The following EEFSEC variants were observed in gnomAD, a reference collection of about 807,000 sequenced individuals.
The protein encoded by EEFSEC is selenocysteine-specific elongation factor.
Under a neutral mutation model 42.1 loss-of-function variants are expected in EEFSEC, and 43 were observed. That is an observed-to-expected ratio of 1.02 (90% CI 0.80 to 1.32). The LOEUF is 1.32. Among genes scored for constraint, EEFSEC ranks in the 40% most tolerant of loss-of-function variants. The pLI, the probability that EEFSEC is intolerant of heterozygous loss-of-function variation, is 0.00. For synonymous variants in EEFSEC, 354 were observed against 339.1 expected (o/e 1.04, Z -0.48); for missense variants, 745 against 803.6 (o/e 0.93, Z 0.88).
intron 4 of EEFSEC, among the ~76,000 whole-genome samples, chr3:128,323,533 C>T (rs915117219): frequency 6.6e-6 from 1 of 152,204 alleles, no homozygotes; most frequent in Non-Finnish European, 1.5e-5. Flanking sequence ...TAATTTCACT[C>T]TGTCAATCCT....
intron 4 of EEFSEC, among the ~76,000 whole-genome samples, chr3:128,325,119 A>G (rs2067050179): frequency 6.6e-6 from 1 of 152,194 alleles, no homozygotes; most frequent in Admixed American, 6.5e-5. Context: ...ATCATCCCAG[A>G]GTGGACCTGG....
intron 1 of EEFSEC, among the ~76,000 whole-genome samples, chr3:128,241,455 C>G (rs1279418264): frequency 6.6e-6 from 1 of 152,122 alleles, no homozygotes; most frequent in Non-Finnish European, 1.5e-5. Flanking sequence ...AAGTGATTCA[C>G]ACACCTCAGC....
rs1214435700 is a variant in EEFSEC at position 128,206,002 on chromosome 3, C to T, written c.317-40834C>T. On this transcript the variant is annotated intron_variant, in intron 1 of 6. Transcript: ENST00000254730. ...GTCCTCCTTTTTCAAGTTAAAATAA[C>T]GACTCTTTAAGTATTTTACAATGCA... is the stretch of plus-strand genomic sequence containing the variant. Among the ~76,000 whole-genome samples the T allele has an allele frequency of 2.0e-5, 3 of 152,272 alleles. No homozygotes were observed. The South Asian group carries it at 6.2e-4, about 32-fold the overall frequency.
At chr3:128,184,541 T>C (rs1003200143) in intron 1 of EEFSEC, among the ~76,000 whole-genome samples, 10 of 152,250 alleles carry the variant, frequency 6.6e-5, no homozygotes, top group Admixed American at 2.6e-4. Context: ...TGTATATATA[T>C]TTTCCCATGT....
intron 5 of EEFSEC, among the ~76,000 whole-genome samples, chr3:128,349,162 G>A (rs2067351681): frequency 6.6e-6 from 1 of 152,242 alleles, no homozygotes; most frequent in South Asian, 2.1e-4. Context: ...TGGGCATCTG[G>A]GAGGGCAGGG....
At chr3:128,332,708 G>A (rs1322980847) in intron 4 of EEFSEC, among the ~76,000 whole-genome samples, 3 of 152,232 alleles carry the variant, frequency 2.0e-5, no homozygotes, top group Non-Finnish European at 1.5e-5. Flanking sequence ...CAGCCCCAGA[G>A]GTGGTGCTGG....
chr3:128,192,334 G>T (rs1043648255), intron 1 of EEFSEC, among the ~76,000 whole-genome samples: 2 of 152,110 alleles, frequency 1.3e-5, no homozygotes, highest in African/African-American at 2.4e-5. Context: ...CCCCTTTCCC[G>T]ATTTTTCTCT....
intron 4 of EEFSEC, among the ~76,000 whole-genome samples, chr3:128,283,986 C>G (rs1045384618): frequency 1.3e-5 from 2 of 152,212 alleles, no homozygotes; most frequent in African/African-American, 4.8e-5. Context: ...GTACCCTTCC[C>G]CATTTGCTGG....
chr3:128,414,355 C>T, the EEFSEC span, among the ~76,000 whole-genome samples: 2 of 152,216 alleles, frequency 1.3e-5, no homozygotes, highest in Non-Finnish European at 2.9e-5. Context: ...TCCCTGCTCC[C>T]AGCTCTTCAG....
intron 4 of EEFSEC, among the ~76,000 whole-genome samples, chr3:128,285,033 G>A (rs1440843706): frequency 1.3e-5 from 2 of 152,098 alleles, no homozygotes; most frequent in Non-Finnish European, 2.9e-5. Flanking sequence ...CAGAGTGGGT[G>A]TGGAAAGCTG....
chr3:128,164,035 T>C (rs955898388), intron 1 of EEFSEC, among the ~76,000 whole-genome samples: 14 of 152,024 alleles, frequency 9.2e-5, no homozygotes, highest in African/African-American at 3.4e-4. Flanking sequence ...AAGTGTACAG[T>C]GTGTGGCATG....
chr3:128,424,872 T>G, the EEFSEC span, among the ~76,000 whole-genome samples: 1 of 151,996 alleles, frequency 6.6e-6, no homozygotes, highest in African/African-American at 2.4e-5. Context: ...TCCTCTCATC[T>G]TCTGTGGGCC....
intron 1 of EEFSEC, among the ~76,000 whole-genome samples, chr3:128,159,358 T>C (rs953289173): frequency 1.3e-5 from 2 of 152,254 alleles, no homozygotes; most frequent in Non-Finnish European, 2.9e-5. Context: ...ATCTTTGCCT[T>C]CTTGAAATGG....
At chr3:128,346,891 AT>A (rs1395689324) in intron 5 of EEFSEC, among the ~76,000 whole-genome samples, 1 of 152,246 alleles carries the variant, frequency 6.6e-6, no homozygotes, top group African/African-American at 2.4e-5. Flanking sequence ...TTCTTTTGAT[AT>A]TCTCCAACTC....
At chr3:128,238,205 G>A (rs770928877) in intron 1 of EEFSEC, among the ~76,000 whole-genome samples, 25 of 152,184 alleles carry the variant, frequency 1.6e-4, no homozygotes, top group Non-Finnish European at 2.9e-4. Flanking sequence ...GCTGGGGTGT[G>A]AGGCAATAGG....
At chr3:128,294,142 A>T (rs1197997674) in intron 4 of EEFSEC, among the ~76,000 whole-genome samples, 1 of 152,098 alleles carries the variant, frequency 6.6e-6, no homozygotes, top group Non-Finnish European at 1.5e-5. Context: ...TTGCAGGGGT[A>T]TTGTGGTTGG....
At chr3:128,226,233 CCA>C (rs2065906321) in intron 1 of EEFSEC, among the ~76,000 whole-genome samples, 1 of 152,148 alleles carries the variant, frequency 6.6e-6, no homozygotes, top group Non-Finnish European at 1.5e-5. Context: ...ATGCCGTAAG[CCA>C]CATAAAGGAG....
chr3:128,161,205 C>A (rs1351612254), intron 1 of EEFSEC, among the ~76,000 whole-genome samples: 1 of 152,112 alleles, frequency 6.6e-6, no homozygotes, highest in Admixed American at 6.5e-5. Flanking sequence ...TTTCTTGAAT[C>A]CATTTTAGAG....
At chr3:128,291,686 T>C (rs1011358734) in intron 4 of EEFSEC, among the ~76,000 whole-genome samples, 4 of 152,216 alleles carry the variant, frequency 2.6e-5, no homozygotes, top group Non-Finnish European at 5.9e-5. Context: ...TCTCACTAGA[T>C]TTAGTAGTTA....
Sources: allele counts gnomAD v4.1 joint callset (sites outside exome capture counted in the v4.1 genomes callset), GRCh38; gene constraint gnomAD v4.1.1; transcripts MANE v1.5; gene names NCBI Gene and HGNC (gene_info 2026-07-23, HGNC 2026-07-21).